The following CDH4 variants were observed in gnomAD, a reference collection of about 807,000 sequenced individuals.
CDH4 encodes the protein cadherin-4.
A neutral mutation model predicts 86.0 loss-of-function variants in CDH4; 33 were observed. That is an observed-to-expected ratio of 0.38 (90% CI 0.29 to 0.51). The LOEUF (loss-of-function observed/expected upper bound fraction) is 0.51, where lower values mean the gene tolerates loss of function less well. Among genes scored for constraint, CDH4 ranks in the 20% least tolerant of loss-of-function variants. The pLI, the probability that CDH4 is intolerant of heterozygous loss-of-function variation, is 0.86. For missense variants in CDH4, 1,114 were observed against 1,307.4 expected (o/e 0.85, Z 2.28); for synonymous variants, 555 against 549.4 (o/e 1.01, Z -0.14).
intron 2 of CDH4, among the ~76,000 whole-genome samples, chr20:61,558,921 T>C (rs1254173256): frequency 6.6e-6 from 1 of 152,232 alleles, no homozygotes; most frequent in African/African-American, 2.4e-5. Flanking sequence ...GGCCCCAGCC[T>C]TGCGATCCCT....
At chr20:61,852,723 C>T (rs371943014) in intron 5 of CDH4, 31 bp from the exon 6 acceptor site, 7 of 1,603,652 alleles carry the variant, frequency 4.4e-6, no homozygotes, top group Admixed American at 3.4e-5. Context: ...TGCCCACCCG[C>T]CACTGGGCCC....
intron 2 of CDH4, among the ~76,000 whole-genome samples, chr20:61,496,930 T>G (rs963749875): frequency 2.6e-5 from 4 of 151,292 alleles, no homozygotes; most frequent in African/African-American, 7.3e-5. Flanking sequence ...TGGGCAGGTG[T>G]TTTTTTTTGT....
intron 4 of CDH4, among the ~76,000 whole-genome samples, chr20:61,828,196 T>A (rs1981411515): frequency 6.6e-6 from 1 of 151,834 alleles, no homozygotes; most frequent in South Asian, 2.1e-4. Flanking sequence ...TCCCAAAAAA[T>A]TGATAAATAA....
intron 2 of CDH4, among the ~76,000 whole-genome samples, chr20:61,667,646 GCA>G (rs35914981): frequency 5.3e-5 from 8 of 151,456 alleles, no homozygotes; most frequent in Non-Finnish European, 7.4e-5. Context: ...TTTGTGTGTG[GCA>G]CACACACACA....
At chr20:61,799,663 G>A (rs892749776) in intron 4 of CDH4, among the ~76,000 whole-genome samples, 1 of 152,206 alleles carries the variant, frequency 6.6e-6, no homozygotes, top group Non-Finnish European at 1.5e-5. Flanking sequence ...TGGGGTATCT[G>A]CACAAAGGGC....
chr20:61,374,837 T>A (rs917713390), intron 2 of CDH4, among the ~76,000 whole-genome samples: 11 of 152,234 alleles, frequency 7.2e-5, no homozygotes, highest in African/African-American at 2.7e-4. Flanking sequence ...AAGAAACAGT[T>A]GCGACCTATT....
In CDH4 at chr20:61,269,960, C is replaced by T. The variant is rs2084175600; in HGVS notation, c.169+15023C>T. ...ATCTGGCCCCCAGATGTGGAGAGGG[C>T]CGGCCGACCTTTGCGGCAGTCATTT... On this transcript the variant is annotated intron_variant, in intron 2 of 15. Coordinates refer to ENST00000614565, the MANE Select transcript of CDH4 (RefSeq NM_001794.5). The surrounding 1 kb of genome is among the most constrained non-coding windows in gnomAD (Gnocchi z 5.3). 6.6e-6 allele frequency among the ~76,000 whole-genome samples: 1 copy of T among 152,226 alleles called. No homozygotes were observed. The highest frequency in any genetic ancestry group is 2.1e-4 in the South Asian group (1 of 4,834).
At chr20:61,571,342 C>T (rs2086340207) in intron 2 of CDH4, among the ~76,000 whole-genome samples, 4 of 152,274 alleles carry the variant, frequency 2.6e-5, no homozygotes, top group Middle Eastern at 3.4e-3. Flanking sequence ...CAGAAGGACT[C>T]GCCATGAGCC....
intron 2 of CDH4, among the ~76,000 whole-genome samples, chr20:61,651,443 C>T (rs6061698): frequency 0.4 from 60,208 of 152,144 alleles, 12,456 homozygotes; most frequent in Non-Finnish European, 0.46. Flanking sequence ...CGGCGTTCCT[C>T]TCCTTCTGCC....
intron 2 of CDH4, among the ~76,000 whole-genome samples, chr20:61,565,062 T>TTGGTGGTGGTGGTGGTGGTGGAGG (rs2086254497): frequency 9.9e-6 from 1 of 101,218 alleles, no homozygotes; most frequent in Non-Finnish European, 2.0e-5. Flanking sequence ...GGTGGTGCTC[T>TTGGTGGTGGTGGTGGTGGTGGAGG]TGGTGGTGGT....
chr20:61,640,413 C>T (rs2086993283), intron 2 of CDH4, among the ~76,000 whole-genome samples: 1 of 152,186 alleles, frequency 6.6e-6, no homozygotes, highest in Non-Finnish European at 1.5e-5. Context: ...GACAAGCATG[C>T]AAGTAGACAC....
rs1004048426 is a variant in CDH4, at chr20:61,422,662, A to G, written c.169+167725A>G. 6.6e-5 allele frequency among the ~76,000 whole-genome samples: 10 copies of G among 152,212 alleles called. No individual in the cohort carries two copies. In the East Asian group the frequency reaches 9.7e-4, roughly 15 times the overall value. On this transcript the variant is annotated intron_variant, in intron 2 of 15. Coordinates refer to ENST00000614565, the MANE Select transcript of CDH4 (RefSeq NM_001794.5). The stretch of plus-strand genomic sequence containing the variant: ...GGAGAACTTACGGATCTGGCTCCGA[A>G]TTCTAAATTAGGACAAGATGCAATT...
intron 2 of CDH4, chr20:61,437,582 G>A (rs965250762): frequency 6.6e-5 from 10 of 152,230 alleles, no homozygotes; most frequent in African/African-American, 2.4e-4. Context: ...CTCTCAGGGA[G>A]GGAGATGCTG....
chr20:61,252,422 T>A lies in CDH4; in HGVS notation c.-92T>A. 1 of 497,950 alleles carries A rather than the reference T, an allele frequency of 2.0e-6. No homozygotes were observed. The highest frequency in any genetic ancestry group is 2.5e-6 in the Non-Finnish European group (1 of 396,080). 30.8% of individuals were successfully genotyped at this position (497,950 alleles called of 1,614,324 possible). A position where few individuals can be genotyped will look rare whatever the true frequency, so the allele number is the denominator to read the frequency against. ...GGGGGAGCGGCGGCGGCGGCGGCGA[T>A]CGGAGCGGCGGCGGTGGTCTCGGCG... On this transcript the variant is annotated 5_prime_UTR_variant, in exon 1 of 16. Coordinates refer to ENST00000614565, the MANE Select transcript of CDH4 (RefSeq NM_001794.5). The surrounding 1 kb of genome is among the most constrained non-coding windows in gnomAD (Gnocchi z 4.4).
At chr20:61,746,922 G>C (rs2088421800) in intron 3 of CDH4, among the ~76,000 whole-genome samples, 1 of 152,228 alleles carries the variant, frequency 6.6e-6, no homozygotes. Flanking sequence ...CGCCCTTACA[G>C]AGCGTGATGC....
chr20:61,907,699 G>C (rs1043289132), intron 8 of CDH4, among the ~76,000 whole-genome samples: 2 of 152,062 alleles, frequency 1.3e-5, no homozygotes, highest in Admixed American at 1.3e-4. Context: ...CCAGGTCAGC[G>C]TCTCCAGGCC....
chr20:61,743,144 A>G (rs1330415973), intron 2 of CDH4, among the ~76,000 whole-genome samples: 4 of 152,234 alleles, frequency 2.6e-5, no homozygotes, highest in Non-Finnish European at 5.9e-5. Flanking sequence ...AAACAGGTCC[A>G]TTAGTGGCTT....
intron 2 of CDH4, among the ~76,000 whole-genome samples, chr20:61,588,924 C>T (rs890681928): frequency 2.6e-5 from 4 of 152,190 alleles, no homozygotes; most frequent in Admixed American, 6.5e-5. Flanking sequence ...TGTACCGCTC[C>T]GAGCGCACTG....
At chr20:61,607,901 G>A (rs539266369) in intron 2 of CDH4, among the ~76,000 whole-genome samples, 6 of 152,298 alleles carry the variant, frequency 3.9e-5, no homozygotes, top group East Asian at 1.9e-4. Context: ...GGCTTTGCCC[G>A]TGTCTCACAG....
Sources: gnomAD v4.1 joint callset for allele counts (sites outside exome capture counted in the v4.1 genomes callset) on GRCh38, gnomAD v4.1.1 for gene constraint, Gnocchi (gnomAD v3.1) non-coding constraint, MANE v1.5 for transcripts, NCBI Gene and HGNC (gene_info 2026-07-23, HGNC 2026-07-21) for gene names.